PLEKHG5: variants seen among roughly 807,000 people sequenced by gnomAD.
PLEKHG5 encodes the protein pleckstrin homology domain-containing family G member 5.
Under a neutral mutation model 103.8 loss-of-function variants are expected in PLEKHG5, and 52 were observed. The observed-to-expected ratio is 0.50, with a 90% confidence interval of 0.40 to 0.63. The LOEUF (loss-of-function observed/expected upper bound fraction) is 0.63. Ranked by LOEUF, PLEKHG5 falls within the 30% of genes least tolerant of loss-of-function variation. The pLI, the probability that PLEKHG5 is intolerant of heterozygous loss-of-function variation, is 0.00. For missense variants in PLEKHG5, 1,205 were observed against 1,347.6 expected, an observed-to-expected ratio of 0.89 and a Z score of 1.66; for synonymous variants, 592 against 575.5, an observed-to-expected ratio of 1.03 and a Z score of -0.41.
chr1:6,472,934 G>A, intron 9 of PLEKHG5, 52 bp downstream of exon 9: 1 of 1,554,714 alleles, frequency 6.4e-7, no homozygotes, highest in Admixed American at 1.7e-5. Context: ...TCCTCCCGAG[G>A]GCTGTCCTCC....
upstream of PLEKHG5, chr1:6,496,412 A>T (rs1645224915): frequency 9.1e-7 from 1 of 1,095,416 alleles, no homozygotes; most frequent in Admixed American, 1.8e-5. Flanking sequence ...CTCTGTGGAT[A>T]GCTGGTGCTG....
chr1:6,510,157 C>T (rs1638434972), intron 1 of PLEKHG5, among the ~76,000 whole-genome samples: 1 of 152,224 alleles, frequency 6.6e-6, no homozygotes, highest in Non-Finnish European at 1.5e-5. Context: ...AGTGTTTCTG[C>T]ACAGGCCAGG....
chr1:6,508,985 G>C (rs996657183), intron 1 of PLEKHG5, among the ~76,000 whole-genome samples: 2 of 152,224 alleles, frequency 1.3e-5, no homozygotes, highest in African/African-American at 4.8e-5. Flanking sequence ...TCACCCACCT[G>C]TAGCGCCTCT....
Position 6,469,122 on chromosome 1 carries a change from TTCCTCCTCCTCC to T in PLEKHG5, c.2157_2168del (p.Glu720_Glu723del), listed in dbSNP as rs113541584. 27 of 1,590,502 alleles carry T rather than the reference TTCCTCCTCCTCC, an allele frequency of 1.7e-5. No individual in the cohort carries two copies. In the East Asian group the frequency reaches 4.2e-4, roughly 25 times the overall value. Reference sequence around the variant, plus strand: ...CAGCTGAAGTGCCACTGTCCTCGCCTTCCTCCTCCTCCTCCTCCTCCTCCTCTTCCTCCTCCT... The same window carrying T: ...CAGCTGAAGTGCCACTGTCCTCGCCTTCCTCCTCCTCCTCTTCCTCCTCCT... On this transcript the variant is annotated inframe_deletion, in exon 19 of 21. Transcript: ENST00000377728.
intron 17 of PLEKHG5, 33 bp downstream of exon 17, chr1:6,469,511 C>T (rs1644503775): frequency 2.5e-6 from 4 of 1,613,758 alleles, no homozygotes; most frequent in Non-Finnish European, 3.4e-6. Flanking sequence ...CATCACAGCC[C>T]CTGACCAGGA....
At chr1:6,500,662 C>T (rs76183136), upstream of PLEKHG5, among the ~76,000 whole-genome samples, 19 of 150,862 alleles carry the variant, frequency 1.3e-4, no homozygotes, top group African/African-American at 4.7e-4. Flanking sequence ...GAACTCCCCC[C>T]ACCCCTAGCC....
At position 6,490,857 on chromosome 1, in the gene PLEKHG5, G is replaced by A. The variant is rs542540053; in HGVS notation, c.-88+780C>T. On this transcript the variant is annotated intron_variant, in intron 1 of 20. Coordinates refer to ENST00000377728, the MANE Select transcript of PLEKHG5 (RefSeq NM_020631.6). The surrounding 1 kb of genome is among the most constrained non-coding windows in gnomAD (Gnocchi z 8.0). The stretch of plus-strand genomic sequence containing the variant: ...TCAAAGTCCCTGGTCATTAACTTGG[G>A]CTTGAAGACGGGAGCTCGCCCATCC... Among the ~76,000 whole-genome samples the A allele has an allele frequency of 1.0e-3, 155 of 152,262 alleles. No homozygotes were observed. Among genetic ancestry groups the A allele is most frequent in the Non-Finnish European group, 1.7e-3 (113 of 68,022 alleles).
At chr1:6,467,729 G>T in intron 20 of PLEKHG5, 96 bp downstream of exon 20, 5 of 1,527,208 alleles carry the variant, frequency 3.3e-6, no homozygotes, top group Non-Finnish European at 4.5e-6. Context: ...GGCTCCCTCC[G>T]CCATGACCCT....
At position 6,505,176 on chromosome 1, in the gene PLEKHG5, G is replaced by C. The variant is rs973535146; in HGVS notation, c.-164-8607C>G. On this transcript the variant is annotated intron_variant, in intron 1 of 21. Coordinates refer to the PLEKHG5 transcript ENST00000377740. This position sits in a 1 kb window ranked among gnomAD's most constrained non-coding sequence, Gnocchi z 4.2. The stretch of plus-strand genomic sequence containing the variant: ...AGATCAGCGCTCCGGTAGCTTCTGC[G>C]GACCGGACTCAAGTTTCTGTCACTG... Among the ~76,000 whole-genome samples, 1 of 152,036 alleles carries C rather than the reference G, an allele frequency of 6.6e-6. No individual in the cohort carries two copies. Among genetic ancestry groups the C allele is most frequent in the Non-Finnish European group, 1.5e-5 (1 of 68,002 alleles).
At chr1:6,469,839 G>A (rs1644515329) in intron 16 of PLEKHG5, among the ~76,000 whole-genome samples, 163 bp from the exon 17 acceptor site, 1 of 152,248 alleles carries the variant, frequency 6.6e-6, no homozygotes, top group Non-Finnish European at 1.5e-5. Context: ...CTCTTTCACT[G>A]AGATGTACGT....
chr1:6,481,098 A>G (rs772497209), intron 1 of PLEKHG5, among the ~76,000 whole-genome samples: 21 of 152,150 alleles, frequency 1.4e-4, no homozygotes, highest in Middle Eastern at 3.2e-3. Flanking sequence ...GATGACAACA[A>G]TGGCCTCAAA....
At chr1:6,489,394 G>C (rs968837659) in intron 1 of PLEKHG5, among the ~76,000 whole-genome samples, 1 of 152,198 alleles carries the variant, frequency 6.6e-6, no homozygotes, top group Non-Finnish European at 1.5e-5. Context: ...CCCTGTGCCG[G>C]GCAGATGGCA....
intron 1 of PLEKHG5, among the ~76,000 whole-genome samples, chr1:6,485,172 G>A (rs1644997147): frequency 6.6e-6 from 1 of 152,164 alleles, no homozygotes; most frequent in Non-Finnish European, 1.5e-5. Context: ...GCCCAGGTAG[G>A]GGGCTCGGCC....
At chr1:6,483,243 T>C (rs1402483777) in intron 1 of PLEKHG5, among the ~76,000 whole-genome samples, 3 of 152,180 alleles carry the variant, frequency 2.0e-5, no homozygotes, top group South Asian at 4.1e-4. Flanking sequence ...AGGGAGGGGC[T>C]GATCTGCATG....
chr1:6,496,374 A>T, upstream of PLEKHG5: 1 of 724,370 alleles, frequency 1.4e-6, no homozygotes, highest in Non-Finnish European at 2.3e-6. Context: ...ACTTGAACCC[A>T]GCCCAGCCAG....
upstream of PLEKHG5, among the ~76,000 whole-genome samples, chr1:6,493,158 C>T (rs1645175734): frequency 1.3e-5 from 2 of 152,282 alleles, no homozygotes; most frequent in Non-Finnish European, 2.9e-5. Flanking sequence ...CAAGGGTGGG[C>T]CCAGAAGCCG....
At chr1:6,477,903 CAG>C (rs1180603620) in intron 1 of PLEKHG5, among the ~76,000 whole-genome samples, 1 of 151,906 alleles carries the variant, frequency 6.6e-6, no homozygotes, top group Admixed American at 6.6e-5. Flanking sequence ...TTTTCTGAGA[CAG>C]AGTCTCATTC....
chr1:6,474,472 C>G lies in PLEKHG5; in HGVS notation c.418G>C (p.Gly140Arg). 6.2e-7 allele frequency: 1 copy of G among 1,613,942 alleles called. No homozygotes were observed. Among genetic ancestry groups the G allele is most frequent in the Non-Finnish European group, 8.5e-7 (1 of 1,180,020 alleles). The change falls in exon 6 of 21, where the codon GGA (glycine) becomes CGA (arginine). Residue 140 changes from glycine (G) to arginine (R), a missense_variant. Transcript: ENST00000377728. ...SLTFEAYRFG[G>R]HYLRVKAPAK... is the part of the protein sequence containing the mutation. Reference sequence around the variant, plus strand: ...TCACCTTTGACACGAAGGTAGTGTCCCCCGAACCTGTAGGCCTCGAAGGTG... The same window carrying G: ...TCACCTTTGACACGAAGGTAGTGTCGCCCGAACCTGTAGGCCTCGAAGGTG...
chr1:6,467,957 A>G lies in PLEKHG5; in HGVS notation c.2879T>C (p.Leu960Pro), dbSNP rs1320979244. The change falls in exon 20 of 21, where the codon CTG (leucine) becomes CCG (proline). Residue 960 changes from leucine to proline, a missense_variant. Physicochemically the swap from Leu to Pro is moderately conservative, Grantham distance 98. Transcript: ENST00000377728. ...AGSHRKRCGD[L>P]PSGASPRVQP... ...GACCCTGGGAGAGGCCCCCGAGGGCAGGTCTCCACACCTCTTCCTGTGGGA... is the reference window on the plus strand; with the variant it reads ...GACCCTGGGAGAGGCCCCCGAGGGCGGGTCTCCACACCTCTTCCTGTGGGA... 3.2e-6 allele frequency: 5 copies of G among 1,568,464 alleles called. No individual in the cohort carries two copies. In the South Asian group the frequency reaches 5.8e-5, roughly 18 times the overall value.
Sources: gnomAD v4.1 joint callset for allele counts (sites outside exome capture counted in the v4.1 genomes callset) on GRCh38, gnomAD v4.1.1 for gene constraint, Gnocchi (gnomAD v3.1) non-coding constraint, MANE v1.5 for transcripts, NCBI Gene and HGNC (gene_info 2026-07-23, HGNC 2026-07-21) for gene names.